PPP1R9A: variants seen among roughly 807,000 people sequenced by gnomAD.
The protein encoded by PPP1R9A is neurabin-1.
PPP1R9A carries 59 observed loss-of-function variants against 141.9 expected under a neutral mutation model. The ratio of observed to expected loss-of-function variants is 0.42; its 90% CI spans 0.34 to 0.52. The LOEUF (loss-of-function observed/expected upper bound fraction) is 0.52, where lower values mean the gene tolerates loss of function less well. Ranked by LOEUF, PPP1R9A falls within the 20% of genes least tolerant of loss-of-function variation. PPP1R9A has a pLI of 0.10. For missense variants in PPP1R9A, 1,444 were observed against 1,611.9 expected (o/e 0.90, Z 1.78); for synonymous variants, 500 against 569.7 (o/e 0.88, Z 1.74).
At chr7:94,914,414 A>G (rs1453480090) in intron 2 of PPP1R9A, among the ~76,000 whole-genome samples, 4 of 152,178 alleles carry the variant, frequency 2.6e-5, no homozygotes, top group African/African-American at 9.6e-5. Context: ...TGTGTAGCAT[A>G]TACCTTGTAC....
chr7:95,229,389 GCTGCC>G (rs1428889615), intron 8 of PPP1R9A, among the ~76,000 whole-genome samples: 1 of 151,986 alleles, frequency 6.6e-6, no homozygotes, highest in Non-Finnish European at 1.5e-5. Flanking sequence ...CTGGTCATAA[GCTGCC>G]TGGAAATAGA....
rs148293456 is a variant in PPP1R9A, at chr7:94,924,150, C to T, written c.1395+12642C>T. Reference sequence around the variant, plus strand: ...TTGACTCTTTTCTATAAAATGGTTACACTGGAAAAAGAAAATTGGAGTTCA... The same window carrying T: ...TTGACTCTTTTCTATAAAATGGTTATACTGGAAAAAGAAAATTGGAGTTCA... On this transcript the variant is annotated intron_variant, in intron 2 of 19. Transcript: ENST00000433360. Among the ~76,000 whole-genome samples the T allele has an allele frequency of 2.9e-3, 439 of 152,248 alleles. 2 individuals carry two copies. Among genetic ancestry groups the T allele is most frequent in the African/African-American group, 0.01 (420 of 41,540 alleles).
chr7:94,960,757 T>C (rs1357826308), intron 2 of PPP1R9A, among the ~76,000 whole-genome samples: 1 of 151,678 alleles, frequency 6.6e-6, no homozygotes, highest in Non-Finnish European at 1.5e-5. Context: ...CTAGATGTGT[T>C]TATTTTTTTT....
At chr7:95,253,039 T>G (rs1232252396) in intron 12 of PPP1R9A, among the ~76,000 whole-genome samples, 1 of 152,240 alleles carries the variant, frequency 6.6e-6, no homozygotes, top group Non-Finnish European at 1.5e-5. Flanking sequence ...CACAACATTC[T>G]TAGATTGCAC....
intron 2 of PPP1R9A, among the ~76,000 whole-genome samples, chr7:95,064,344 C>T (rs68143801): frequency 0.33 from 50,089 of 152,002 alleles, 9,684 homozygotes; most frequent in Non-Finnish European, 0.44. Context: ...TTATTTGATA[C>T]GAATATTTTC....
At chr7:95,131,060 CAT>C (rs1177421038) in intron 4 of PPP1R9A, among the ~76,000 whole-genome samples, 1 of 152,082 alleles carries the variant, frequency 6.6e-6, no homozygotes, top group Non-Finnish European at 1.5e-5. Flanking sequence ...AATGTCAGGA[CAT>C]GTGATTTGGC....
chr7:94,956,410 A>G (rs958475460), intron 2 of PPP1R9A, among the ~76,000 whole-genome samples: 5 of 152,090 alleles, frequency 3.3e-5, no homozygotes, highest in Admixed American at 6.6e-5. Context: ...GTTGAATTTC[A>G]TATTATTCTA....
chr7:94,929,644 A>T (rs1793919617), intron 2 of PPP1R9A, among the ~76,000 whole-genome samples: 1 of 152,158 alleles, frequency 6.6e-6, no homozygotes, highest in African/African-American at 2.4e-5. Flanking sequence ...TAGTTTGCAC[A>T]CTTTTCTGAA....
intron 2 of PPP1R9A, among the ~76,000 whole-genome samples, chr7:94,986,636 T>TAA (rs1228449155): frequency 1.3e-5 from 2 of 152,234 alleles, no homozygotes; most frequent in Admixed American, 6.5e-5. Flanking sequence ...CACAAAATGA[T>TAA]AAATGTTTGA....
chr7:94,964,355 T>A (rs887390431), intron 2 of PPP1R9A, among the ~76,000 whole-genome samples: 1 of 152,170 alleles, frequency 6.6e-6, no homozygotes, highest in Non-Finnish European at 1.5e-5. Flanking sequence ...TTTTTAAATT[T>A]ATACTTTAAG....
intron 2 of PPP1R9A, among the ~76,000 whole-genome samples, chr7:94,973,898 G>T (rs1053561972): frequency 6.6e-6 from 1 of 151,608 alleles, no homozygotes; most frequent in East Asian, 1.9e-4. Context: ...TTTATTTTTC[G>T]TAGAGACAGG....
intron 2 of PPP1R9A, among the ~76,000 whole-genome samples, chr7:95,068,343 G>A (rs954774155): frequency 1.3e-5 from 2 of 151,936 alleles, no homozygotes; most frequent in South Asian, 4.2e-4. Flanking sequence ...GGTGGCACAC[G>A]CCTGTAGTCC....
chr7:95,249,776 G>A (rs12704791), intron 9 of PPP1R9A, among the ~76,000 whole-genome samples: 95,355 of 152,026 alleles, frequency 0.63, 30,640 homozygotes, highest in African/African-American at 0.77. Flanking sequence ...TGGAAATATC[G>A]TGTGAGGTGG....
intron 2 of PPP1R9A, among the ~76,000 whole-genome samples, chr7:95,060,557 A>C (rs1274033117): frequency 6.6e-6 from 1 of 152,166 alleles, no homozygotes; most frequent in African/African-American, 2.4e-5. Flanking sequence ...TGTTTATATA[A>C]ATTAGATGAT....
intron 4 of PPP1R9A, among the ~76,000 whole-genome samples, chr7:95,149,131 G>A (rs1433924740): frequency 1.3e-5 from 2 of 151,910 alleles, no homozygotes; most frequent in African/African-American, 4.8e-5. Context: ...ACATCTGCAG[G>A]CTAAAGAAGA....
At chr7:95,067,232 G>T (rs1297697283) in intron 2 of PPP1R9A, among the ~76,000 whole-genome samples, 1 of 152,178 alleles carries the variant, frequency 6.6e-6, no homozygotes. Flanking sequence ...GAAGGAAAAT[G>T]TGGAATCCAG....
chr7:95,163,678 G>A (rs892665393), intron 5 of PPP1R9A, among the ~76,000 whole-genome samples: 2 of 152,124 alleles, frequency 1.3e-5, no homozygotes, highest in African/African-American at 4.8e-5. Flanking sequence ...ATATTTTGAT[G>A]TGGGATGCTC....
At chr7:95,054,757 C>T (rs148256531) in intron 2 of PPP1R9A, among the ~76,000 whole-genome samples, 2 of 152,258 alleles carry the variant, frequency 1.3e-5, no homozygotes, top group East Asian at 1.9e-4. Flanking sequence ...CTTCCCAGCA[C>T]ATTGACATTT....
chr7:95,290,049 A>G (rs1489704272), intron 19 of PPP1R9A, 42 bp from the exon 20 acceptor site: 3 of 1,605,838 alleles, frequency 1.9e-6, no homozygotes, highest in East Asian at 2.2e-5. Context: ...CAGAGGGCTC[A>G]TTGGTTTTCA....
Sources: gnomAD v4.1 joint callset for allele counts (sites outside exome capture counted in the v4.1 genomes callset) on GRCh38, gnomAD v4.1.1 for gene constraint, MANE v1.5 for transcripts, NCBI Gene and HGNC (gene_info 2026-07-23, HGNC 2026-07-21) for gene names.